The following ITPRID1 variants were observed in gnomAD, a reference collection of about 807,000 sequenced individuals.
ITPRID1 encodes ITPR interacting domain containing 1.
Under a neutral mutation model 95.4 loss-of-function variants are expected in ITPRID1, and 96 were observed. The ratio of observed to expected loss-of-function variants is 1.01; its 90% confidence interval spans 0.85 to 1.19. The LOEUF is 1.19. ITPRID1 is among the 50% of genes most tolerant of loss of function. The probability of loss-of-function intolerance (pLI) is 0.00; values close to 1 mark genes in which losing one functional copy is unlikely to be tolerated. For synonymous variants in ITPRID1, 510 were observed against 453.6 expected (o/e 1.12, Z -1.58); for missense variants, 1,339 against 1,252.9 (o/e 1.07, Z -1.04).
chr7:31,549,026 G>T (rs935296339), intron 1 of ITPRID1, among the ~76,000 whole-genome samples: 1 of 152,080 alleles, frequency 6.6e-6, no homozygotes, highest in African/African-American at 2.4e-5. Context: ...ATGACAATGA[G>T]GATCCATGGA....
At chr7:31,519,620 C>CCATATATATATATATATATATATATATA (rs1554279824) in intron 1 of ITPRID1, among the ~76,000 whole-genome samples, 9 of 25,270 alleles carry the variant, frequency 3.6e-4, no homozygotes, top group Admixed American at 1.8e-3. Flanking sequence ...CTCTCTCTCT[C>CCATATATATATATATATATATATATATA]TATATATATA....
chr7:31,610,159 T>G (rs1786801509), intron 10 of ITPRID1, among the ~76,000 whole-genome samples: 1 of 151,690 alleles, frequency 6.6e-6, no homozygotes, highest in South Asian at 2.1e-4. Flanking sequence ...TTCAACTCTT[T>G]AAAATTATTG....
chr7:31,628,729 T>A (rs1487087222), intron 10 of ITPRID1, among the ~76,000 whole-genome samples: 1 of 152,156 alleles, frequency 6.6e-6, no homozygotes, highest in Non-Finnish European at 1.5e-5. Flanking sequence ...GTGCTGGGAT[T>A]ACAGGCTTGA....
At position 31,574,686 on chromosome 7, in the gene ITPRID1, G is replaced by C; in HGVS notation, c.542G>C (p.Arg181Pro). 1 of 1,613,866 alleles carries C rather than the reference G, an allele frequency of 6.2e-7. No homozygotes were observed. Among genetic ancestry groups the C allele is most frequent in the Non-Finnish European group, 8.5e-7 (1 of 1,179,844 alleles). ...CGSAARGINIRVFLEAQKQRM... is the reference protein window; with the variant it reads ...CGSAARGINIPVFLEAQKQRM... ...TCAGCAGCCAGAGGAATCAACATCC[G>C]TGTTTTTCTTGAAGCTCAAAAGCAG... The change falls in exon 8 of 15, where the codon CGT becomes CCT. Residue 181 changes from arginine (R) to proline (P), a missense_variant. By Grantham distance (103) the Arg-to-Pro change is moderately radical. Transcript: ENST00000615280.
intron 1 of ITPRID1, among the ~76,000 whole-genome samples, chr7:31,518,563 C>A (rs1266672684): frequency 6.6e-6 from 1 of 152,138 alleles, no homozygotes; most frequent in Non-Finnish European, 1.5e-5. Flanking sequence ...AGTGCATAAA[C>A]CATGAATTAT....
At chr7:31,540,880 G>A (rs557765217) in intron 1 of ITPRID1, among the ~76,000 whole-genome samples, 5 of 152,234 alleles carry the variant, frequency 3.3e-5, no homozygotes, top group Non-Finnish European at 5.9e-5. Flanking sequence ...ATATAAGGCC[G>A]GTTTTCCAAG....
intron 10 of ITPRID1, among the ~76,000 whole-genome samples, chr7:31,603,659 A>G (rs1786492914): frequency 6.6e-6 from 1 of 152,156 alleles, no homozygotes; most frequent in East Asian, 1.9e-4. Flanking sequence ...TAAATAATAA[A>G]TGTGAATCCC....
intron 10 of ITPRID1, among the ~76,000 whole-genome samples, chr7:31,634,446 T>C (rs568105022): frequency 3.4e-4 from 52 of 152,272 alleles, no homozygotes; most frequent in Non-Finnish European, 5.9e-4. Context: ...ACAAGTAACA[T>C]AGTATTACCA....
chr7:31,550,444 T>C (rs1263304496), intron 2 of ITPRID1, among the ~76,000 whole-genome samples: 2 of 152,130 alleles, frequency 1.3e-5, no homozygotes, highest in African/African-American at 4.8e-5. Flanking sequence ...ACAGACTAAC[T>C]AGAGAAGTCT....
At chr7:31,578,529 A>C (rs1413307359) in intron 9 of ITPRID1, 95 bp downstream of exon 9, 2 of 865,842 alleles carry the variant, frequency 2.3e-6, no homozygotes, top group Non-Finnish European at 3.5e-6. Context: ...TTCATCTTTT[A>C]ATCCCTCAGC....
At chr7:31,627,851 A>C (rs1463137343) in intron 10 of ITPRID1, among the ~76,000 whole-genome samples, 2 of 152,148 alleles carry the variant, frequency 1.3e-5, no homozygotes, top group African/African-American at 4.8e-5. Flanking sequence ...GAAAAGATAC[A>C]ATTTTAAGTG....
intron 12 of ITPRID1, among the ~76,000 whole-genome samples, chr7:31,650,814 A>G (rs1373181494): frequency 6.6e-6 from 1 of 152,050 alleles, no homozygotes; most frequent in Non-Finnish European, 1.5e-5. Context: ...ACAAACCCTT[A>G]CTCTGGCACT....
At chr7:31,588,718 A>T (rs1353681475) in intron 10 of ITPRID1, among the ~76,000 whole-genome samples, 2 of 151,986 alleles carry the variant, frequency 1.3e-5, no homozygotes, top group Non-Finnish European at 2.9e-5. Context: ...GAGAAGGAGG[A>T]AAATCACAGA....
intron 10 of ITPRID1, among the ~76,000 whole-genome samples, chr7:31,602,398 C>CT (rs35209892): frequency 5.9e-5 from 9 of 152,014 alleles, no homozygotes; most frequent in African/African-American, 1.2e-4. Flanking sequence ...TATTTTGTGA[C>CT]TTTTTTTTAC....
At chr7:31,528,928 CATT>C (rs574476162) in intron 1 of ITPRID1, among the ~76,000 whole-genome samples, 65 of 152,236 alleles carry the variant, frequency 4.3e-4, no homozygotes, top group African/African-American at 1.4e-3. Flanking sequence ...TCAAGAAAAA[CATT>C]ATTTTTAGGT....
chr7:31,619,767 G>A (rs1000271613), intron 10 of ITPRID1, among the ~76,000 whole-genome samples: 11 of 152,200 alleles, frequency 7.2e-5, no homozygotes, highest in South Asian at 2.1e-4. Context: ...AGGTCAGTGG[G>A]TGCAGCGCAC....
chr7:31,521,861 G>A (rs1360182167), intron 1 of ITPRID1, among the ~76,000 whole-genome samples: 1 of 150,268 alleles, frequency 6.7e-6, no homozygotes, highest in South Asian at 2.1e-4. Context: ...ACTTACCCGA[G>A]TAGCTAGGAC....
In ITPRID1 at chr7:31,559,518, A is replaced by G. The variant is rs930375883; in HGVS notation, c.256+4617A>G. ...TCTACTAAAAATACAAAAAAAAATT[A>G]GCCTGATATGGTGGTGCACACCCGT... On this transcript the variant is annotated intron_variant, in intron 5 of 14. Transcript: ENST00000615280. Among the ~76,000 whole-genome samples the G allele has an allele frequency of 2.6e-5, 4 of 152,254 alleles. 1 individual carries two copies. The highest frequency in any genetic ancestry group is 2.6e-4 in the Admixed American group (4 of 15,288).
At chr7:31,556,618 G>C (rs771422659) in intron 5 of ITPRID1, among the ~76,000 whole-genome samples, 1 of 152,060 alleles carries the variant, frequency 6.6e-6, no homozygotes. Context: ...TGCTAGAACA[G>C]TACCAGAAAC....
Sources: allele counts gnomAD v4.1 joint callset (sites outside exome capture counted in the v4.1 genomes callset), GRCh38; gene constraint gnomAD v4.1.1; transcripts MANE v1.5; gene names NCBI Gene and HGNC (gene_info 2026-07-23, HGNC 2026-07-21).